The following KIAA1328 variants were observed in gnomAD, a reference collection of about 807,000 sequenced individuals.
The protein encoded by KIAA1328 is protein hinderin.
Under a neutral mutation model 68.1 loss-of-function variants are expected in KIAA1328, and 52 were observed. The observed-to-expected ratio is 0.76, with a 90% CI of 0.61 to 0.96. The LOEUF (loss-of-function observed/expected upper bound fraction) is 0.96, where lower values mean the gene tolerates loss of function less well. Among genes scored for constraint, KIAA1328 ranks in the 40% least tolerant of loss-of-function variants. The pLI, the probability that KIAA1328 is intolerant of heterozygous loss-of-function variation, is 0.00. For missense variants in KIAA1328, 641 were observed against 677.6 expected, an observed-to-expected ratio of 0.95 and a Z score of 0.60; for synonymous variants, 232 against 239.4, an observed-to-expected ratio of 0.97 and a Z score of 0.28.
intron 5 of KIAA1328, among the ~76,000 whole-genome samples, chr18:36,889,887 G>T (rs918857354): frequency 2.0e-5 from 3 of 152,172 alleles, no homozygotes; most frequent in African/African-American, 7.2e-5. Flanking sequence ...GTAGAAGAAT[G>T]AAATTGGTCT....
chr18:37,100,548 G>A (rs1167956744), intron 7 of KIAA1328, among the ~76,000 whole-genome samples: 1 of 152,196 alleles, frequency 6.6e-6, no homozygotes, highest in Non-Finnish European at 1.5e-5. Flanking sequence ...GGAGCCCACC[G>A]CAGCTCAAGA....
intron 6 of KIAA1328, among the ~76,000 whole-genome samples, chr18:36,991,696 T>G (rs892271514): frequency 6.6e-6 from 1 of 152,204 alleles, no homozygotes; most frequent in Admixed American, 6.5e-5. Context: ...GTCATACTTA[T>G]GTGGCTACAT....
chr18:37,170,431 A>G (rs565914727), intron 8 of KIAA1328, among the ~76,000 whole-genome samples: 1 of 152,226 alleles, frequency 6.6e-6, no homozygotes, highest in Non-Finnish European at 1.5e-5. Context: ...TAATGAGATG[A>G]TACATTTAAA....
chr18:37,113,221 T>C (rs748508563), intron 7 of KIAA1328, among the ~76,000 whole-genome samples: 3 of 151,400 alleles, frequency 2.0e-5, no homozygotes, highest in Non-Finnish European at 4.4e-5. Flanking sequence ...TTCACCAAAG[T>C]TGAAATGAAG....
chr18:37,002,503 G>A (rs1470726901), intron 6 of KIAA1328, among the ~76,000 whole-genome samples: 1 of 151,762 alleles, frequency 6.6e-6, no homozygotes, highest in Non-Finnish European at 1.5e-5. Flanking sequence ...ATAGATGTGA[G>A]CCACTGCACC....
intron 9 of KIAA1328, among the ~76,000 whole-genome samples, chr18:37,193,328 G>T (rs2059942428): frequency 6.6e-6 from 1 of 152,084 alleles, no homozygotes. Flanking sequence ...TTAAAAGGTA[G>T]CATATACATA....
At chr18:37,021,449 C>T (rs889011775) in intron 6 of KIAA1328, among the ~76,000 whole-genome samples, 1 of 152,056 alleles carries the variant, frequency 6.6e-6, no homozygotes, top group African/African-American at 2.4e-5. Context: ...TATAATGAAA[C>T]CTATTGTATG....
At chr18:37,162,299 T>C (rs1468045976) in intron 8 of KIAA1328, among the ~76,000 whole-genome samples, 1 of 152,024 alleles carries the variant, frequency 6.6e-6, no homozygotes, top group Non-Finnish European at 1.5e-5. Context: ...AAAAAGAAAC[T>C]TTTTCATCTT....
intron 4 of KIAA1328, among the ~76,000 whole-genome samples, chr18:36,872,007 G>T (rs1167992296): frequency 1.3e-5 from 2 of 152,178 alleles, no homozygotes; most frequent in Non-Finnish European, 2.9e-5. Flanking sequence ...ATGCCTGGGG[G>T]AAGGAAACAG....
At chr18:37,162,009 A>G (rs2059290193) in intron 8 of KIAA1328, among the ~76,000 whole-genome samples, 1 of 152,212 alleles carries the variant, frequency 6.6e-6, no homozygotes, top group Admixed American at 6.5e-5. Context: ...TCAATTTCTA[A>G]TTTGAAACAA....
At chr18:37,112,507 C>A (rs1214888471) in intron 7 of KIAA1328, among the ~76,000 whole-genome samples, 2 of 152,118 alleles carry the variant, frequency 1.3e-5, no homozygotes, top group Non-Finnish European at 2.9e-5. Context: ...TGTACATCAC[C>A]ATCATGAAAG....
chr18:36,831,976 A>G (rs764473450), intron 1 of KIAA1328, among the ~76,000 whole-genome samples: 14 of 152,226 alleles, frequency 9.2e-5, no homozygotes, highest in Admixed American at 1.3e-4. Context: ...AAACTGTACA[A>G]TTTAACTACT....
rs79476546 is a variant in KIAA1328, at chr18:37,109,933, C to G, written c.1232+42388C>G. Among the ~76,000 whole-genome samples, 156 of 152,040 alleles carry G rather than the reference C, an allele frequency of 1.0e-3. 2 individuals are homozygous for G. The highest frequency in any genetic ancestry group is 3.7e-3 in the African/African-American group (154 of 41,478). ...TCTTTCTACACAGTAACTGCTTATT[C>G]TGCTCCAATCTGAAACGGAGCTCTT... On this transcript the variant is annotated intron_variant, in intron 7 of 9. Transcript: ENST00000280020.
At chr18:36,923,320 C>T in intron 5 of KIAA1328, among the ~76,000 whole-genome samples, 1 of 151,980 alleles carries the variant, frequency 6.6e-6, no homozygotes, top group East Asian at 1.9e-4. Context: ...TGGAGGAAAT[C>T]AATGAAACAA....
chr18:37,211,867 T>G (rs1460267007), intron 9 of KIAA1328, among the ~76,000 whole-genome samples: 1 of 152,228 alleles, frequency 6.6e-6, no homozygotes, highest in African/African-American at 2.4e-5. Flanking sequence ...TTGCTCTGGA[T>G]TTCAGTTTGC....
intron 5 of KIAA1328, among the ~76,000 whole-genome samples, chr18:36,928,208 C>T (rs925970496): frequency 1.3e-5 from 2 of 151,948 alleles, no homozygotes; most frequent in Non-Finnish European, 2.9e-5. Context: ...ATAGTGCTGG[C>T]AATATATTAA....
At chr18:37,077,694 A>AAACG (rs2056792832) in intron 7 of KIAA1328, among the ~76,000 whole-genome samples, 1 of 134,408 alleles carries the variant, frequency 7.4e-6, no homozygotes, top group Non-Finnish European at 1.6e-5. Flanking sequence ...AGTAACAGAC[A>AAACG]GAGAGCCAAA....
At chr18:37,035,895 T>G (rs2055006971) in intron 6 of KIAA1328, among the ~76,000 whole-genome samples, 1 of 152,188 alleles carries the variant, frequency 6.6e-6, no homozygotes, top group African/African-American at 2.4e-5. Context: ...AGTGTTACTC[T>G]TTTTTTCTCT....
intron 6 of KIAA1328, among the ~76,000 whole-genome samples, chr18:37,000,492 T>C (rs978892592): frequency 1.3e-5 from 2 of 152,072 alleles, no homozygotes; most frequent in Non-Finnish European, 2.9e-5. Context: ...AACTGGCCTT[T>C]AGATCATGTG....
Sources: allele counts gnomAD v4.1 joint callset (sites outside exome capture counted in the v4.1 genomes callset), GRCh38; gene constraint gnomAD v4.1.1; transcripts MANE v1.5; gene names NCBI Gene and HGNC (gene_info 2026-07-23, HGNC 2026-07-21).